The following OLFML2A variants were observed in gnomAD, a reference collection of about 807,000 sequenced individuals.
OLFML2A encodes the protein olfactomedin-like protein 2A.
Under a neutral mutation model 60.9 loss-of-function variants are expected in OLFML2A, and 47 were observed. The ratio of observed to expected loss-of-function variants is 0.77; its 90% CI spans 0.61 to 0.98. The LOEUF is 0.98. Ranked by LOEUF, OLFML2A falls within the 50% of genes least tolerant of loss-of-function variation. OLFML2A has a pLI of 0.00. For synonymous variants in OLFML2A, 372 were observed against 375.0 expected, an observed-to-expected ratio of 0.99 and a Z score of 0.09; for missense variants, 922 against 879.8, an observed-to-expected ratio of 1.05 and a Z score of -0.61.
chr9:124,806,170 A>AT (rs1429235725), intron 6 of OLFML2A, among the ~76,000 whole-genome samples: 1 of 151,906 alleles, frequency 6.6e-6, no homozygotes, highest in African/African-American at 2.4e-5. Flanking sequence ...AATTCTTTTT[A>AT]TTTTTTAAAA....
chr9:124,807,185 A>C (rs542889035), intron 6 of OLFML2A, among the ~76,000 whole-genome samples: 2 of 152,000 alleles, frequency 1.3e-5, no homozygotes, highest in East Asian at 3.9e-4. Flanking sequence ...CAGCCTCCCA[A>C]ATTGCTGGGA....
intron 5 of OLFML2A, 147 bp from the exon 6 acceptor site, chr9:124,803,947 A>AC (rs1299604132): frequency 3.6e-6 from 3 of 831,266 alleles, no homozygotes; most frequent in Admixed American, 2.9e-5. Flanking sequence ...GAGACCTTTC[A>AC]CCCCCCTCCA....
rs757514051 is a variant in OLFML2A at position 124,810,307 on chromosome 9, C to T, written c.1854C>T (p.Asn618=). 14 of 1,608,082 alleles carry T rather than the reference C, an allele frequency of 8.7e-6. No homozygotes were observed. Among genetic ancestry groups the T allele is most frequent in the East Asian group, 2.2e-5 (1 of 44,898 alleles). ...TDARPQLPFL[N]EHAYTTQIDY... ...CACGCCCCCAGCTGCCGTTCCTCAA[C>T]GAGCACGCCTACACCACCCAGATCG... The change falls in exon 8 of 8, where the codon AAC becomes AAT. Residue 618 remains asparagine (N), a synonymous_variant. Coordinates refer to ENST00000373580, the MANE Select transcript of OLFML2A (RefSeq NM_182487.4).
chr9:124,791,805 T>C (rs1299365978), intron 2 of OLFML2A, among the ~76,000 whole-genome samples: 2 of 151,502 alleles, frequency 1.3e-5, no homozygotes, highest in Non-Finnish European at 2.9e-5. Context: ...AAATCTAGTG[T>C]TTTATTGTGA....
rs1348976478 is a variant in OLFML2A at position 124,807,971 on chromosome 9, G to A, written c.1354+5G>A. 2 of 1,612,658 alleles carry A rather than the reference G, an allele frequency of 1.2e-6. No individual in the cohort carries two copies. Among genetic ancestry groups the A allele is most frequent in the African/African-American group, 1.3e-5 (1 of 74,928 alleles). ...ACCTGGAAAACTTCAAGCAAGGTCA[G>A]GGACCCCCGGAGGTGGAGAGGGGGC... On this transcript the variant is annotated splice_donor_5th_base_variant and intron_variant, in intron 7 of 7. Transcript: ENST00000373580.
At position 124,814,462 on chromosome 9, in the gene OLFML2A, C is replaced by G. The variant is rs553944535; in HGVS notation, c.*4050C>G. ...CTAGAGCTTTACCCCTAATCCCCCCCCAGGAGCCCCGAGGCCGGCATTATT... is the reference window on the plus strand; with the variant it reads ...CTAGAGCTTTACCCCTAATCCCCCCGCAGGAGCCCCGAGGCCGGCATTATT... On this transcript the variant is annotated 3_prime_UTR_variant, in exon 8 of 8. Coordinates refer to ENST00000373580, the MANE Select transcript of OLFML2A (RefSeq NM_182487.4). The G allele has an allele frequency of 6.6e-6, 1 of 152,358 alleles. No individual in the cohort carries two copies. Among genetic ancestry groups the G allele is most frequent in the East Asian group, 1.9e-4 (1 of 5,190 alleles). 9.4% of individuals were successfully genotyped at this position (152,358 alleles called of 1,614,324 possible). A position where few individuals can be genotyped will look rare whatever the true frequency, so the allele number is the denominator to read the frequency against.
intron 7 of OLFML2A, 92 bp from the exon 8 acceptor site, chr9:124,809,716 C>T (rs1191981282): frequency 1.4e-6 from 2 of 1,440,998 alleles, no homozygotes; most frequent in East Asian, 2.3e-5. Flanking sequence ...CAGTCACTTA[C>T]TGGGCCACTG....
At chr9:124,795,914 A>T (rs1841661076) in intron 3 of OLFML2A, among the ~76,000 whole-genome samples, 1 of 152,176 alleles carries the variant, frequency 6.6e-6, no homozygotes, top group Non-Finnish European at 1.5e-5. Context: ...GTGCTATAGG[A>T]CTGGGCAGGG....
intron 5 of OLFML2A, among the ~76,000 whole-genome samples, chr9:124,803,063 C>G (rs755392296): frequency 3.3e-5 from 5 of 151,772 alleles, no homozygotes; most frequent in African/African-American, 4.8e-5. Flanking sequence ...CACGTGCCAC[C>G]ATGCCCGACT....
chr9:124,797,475 A>G (rs1564285449), intron 3 of OLFML2A, among the ~76,000 whole-genome samples: 2 of 152,212 alleles, frequency 1.3e-5, no homozygotes, highest in South Asian at 4.1e-4. Context: ...ATCCAAGGGT[A>G]TCCGACTCCT....
chr9:124,790,676 G>C (rs776915496), intron 2 of OLFML2A, among the ~76,000 whole-genome samples: 6 of 152,094 alleles, frequency 3.9e-5, no homozygotes, highest in Non-Finnish European at 7.4e-5. Context: ...CTGCCTCACT[G>C]GTACCCCAAG....
intron 2 of OLFML2A, among the ~76,000 whole-genome samples, chr9:124,790,010 G>A (rs2131253182): frequency 6.6e-6 from 1 of 152,298 alleles, no homozygotes; most frequent in African/African-American, 2.4e-5. Flanking sequence ...AGGACACAAA[G>A]CCCTTTCATA....
At chr9:124,805,010 T>C (rs986679592) in intron 6 of OLFML2A, among the ~76,000 whole-genome samples, 2 of 152,186 alleles carry the variant, frequency 1.3e-5, no homozygotes, top group African/African-American at 4.8e-5. Flanking sequence ...GCCCAGGTAG[T>C]ATTTTCAACA....
rs1042040259 is a variant in OLFML2A, at chr9:124,811,028, C to T, written c.*616C>T. 4 of 153,260 alleles carry T rather than the reference C, an allele frequency of 2.6e-5. No individual in the cohort carries two copies. The highest frequency in any genetic ancestry group is 9.6e-5 in the African/African-American group (4 of 41,454). The allele number at this position is 153,260 out of a possible 1,614,324, so 9.5% of individuals were successfully genotyped here. ...CTTGTCTCTTGTCTTTGGCCAGCCC[C>T]CTCAGCCCAGCCCACCCCACCCGCT... On this transcript the variant is annotated 3_prime_UTR_variant, in exon 8 of 8. Coordinates refer to ENST00000373580, the MANE Select transcript of OLFML2A (RefSeq NM_182487.4).
chr9:124,805,354 A>G (rs183567024), intron 6 of OLFML2A, among the ~76,000 whole-genome samples: 17 of 152,250 alleles, frequency 1.1e-4, no homozygotes, highest in Admixed American at 9.8e-4. Flanking sequence ...ATGTCAGAAA[A>G]CTGGAAATAA....
intron 4 of OLFML2A, chr9:124,800,812 G>GC (rs1841759328): frequency 7.4e-7 from 1 of 1,342,472 alleles, no homozygotes. Context: ...CTTGTGCCAA[G>GC]CCAGCATCGG....
chr9:124,792,904 C>T lies in OLFML2A; in HGVS notation c.355-2120C>T, dbSNP rs189579479. 3.7e-5 allele frequency among the ~76,000 whole-genome samples: 5 copies of T among 136,080 alleles called. No individual in the cohort carries two copies. The East Asian group carries it at 8.6e-4, about 23-fold the overall frequency. The allele number at this position is 136,080 out of a possible 152,430, so 89.3% of individuals were successfully genotyped here. A position where few individuals can be genotyped will look rare whatever the true frequency, so the allele number is the denominator to read the frequency against. On this transcript the variant is annotated intron_variant, in intron 2 of 7. Transcript: ENST00000373580. ...TGATTCTCAAATTGTGTTCCAGAGC[C>T]CCAGGGGTCCCATGCAGACCCTCGG...
Position 124,810,221 on chromosome 9 carries a change from A to G in OLFML2A, c.1768A>G (p.Thr590Ala). The G allele has an allele frequency of 6.2e-7, 1 of 1,613,594 alleles. No homozygotes were observed. The highest frequency in any genetic ancestry group is 2.2e-5 in the East Asian group (1 of 44,868). Residue 590 changes from threonine to alanine, a missense_variant, in exon 8 of 8, where the codon ACG (threonine) becomes GCG (alanine). Thr to Ala is a moderately conservative substitution (Grantham distance 58). Coordinates refer to ENST00000373580, the MANE Select transcript of OLFML2A (RefSeq NM_182487.4). ...LVCGILYAVDTYNQQEGQVAY... is the reference protein window; with the variant it reads ...LVCGILYAVDAYNQQEGQVAY... ...GTGCGGCATCCTGTATGCCGTGGAC[A>G]CGTACAACCAGCAGGAAGGCCAGGT...
chr9:124,781,453 G>A (rs1480884382), intron 1 of OLFML2A, among the ~76,000 whole-genome samples: 2 of 152,116 alleles, frequency 1.3e-5, no homozygotes, highest in African/African-American at 2.4e-5. Context: ...TTGCCTCATG[G>A]TGAGGCGGGG....
Sources: gnomAD v4.1 joint callset for allele counts (sites outside exome capture counted in the v4.1 genomes callset) on GRCh38, gnomAD v4.1.1 for gene constraint, MANE v1.5 for transcripts, NCBI Gene and HGNC (gene_info 2026-07-23, HGNC 2026-07-21) for gene names.